Variants in CASR observed in about 807,000 individuals in gnomAD.
The protein encoded by CASR is extracellular calcium-sensing receptor.
CASR carries 23 observed loss-of-function variants against 69.1 expected under a neutral mutation model. The ratio of observed to expected loss-of-function variants is 0.33; its 90% CI spans 0.24 to 0.47. The LOEUF is 0.47. Among genes scored for constraint, CASR ranks in the 20% least tolerant of loss-of-function variants. The pLI is 1.00. For synonymous variants in CASR, 541 were observed against 544.7 expected (o/e 0.99, Z 0.10); for missense variants, 924 against 1,356.1 (o/e 0.68, Z 5.00).
chr3:122,233,972 G>A lies in CASR; in HGVS notation c.-242-19976G>A, dbSNP rs943722136. 2.6e-5 allele frequency among the ~76,000 whole-genome samples: 4 copies of A among 152,184 alleles called. No homozygotes were observed. The South Asian group carries it at 8.3e-4, about 32-fold the overall frequency. On this transcript the variant is annotated intron_variant, in intron 1 of 6. Transcript: ENST00000639785. ...GCCTCCTGAGTCAGATGATAACCAA[G>A]GGAAAGAAGTGACCTCTATCTCTGG...
chr3:122,270,279 G>C (rs13089000), intron 4 of CASR, among the ~76,000 whole-genome samples: 139,743 of 152,276 alleles, frequency 0.92, 64,472 homozygotes, highest in East Asian at 0.98. Flanking sequence ...ACTGGCATAA[G>C]TTTATTTATA....
intron 1 of CASR, among the ~76,000 whole-genome samples, chr3:122,234,488 G>A (rs912896896): frequency 1.3e-5 from 2 of 152,204 alleles, no homozygotes; most frequent in South Asian, 2.1e-4. Context: ...AGATTGAGAG[G>A]TTTAAAATCA....
intron 1 of CASR, among the ~76,000 whole-genome samples, chr3:122,224,312 G>A (rs1456199612): frequency 6.6e-6 from 1 of 152,150 alleles, no homozygotes; most frequent in East Asian, 1.9e-4. Context: ...CTGCAAAAAG[G>A]CTCAGAGAAC....
intron 1 of CASR, among the ~76,000 whole-genome samples, chr3:122,190,445 C>T (rs987420972): frequency 1.3e-5 from 2 of 152,166 alleles, no homozygotes; most frequent in African/African-American, 2.4e-5. Context: ...TTAGACTACC[C>T]GAGCTTGTAT....
At chr3:122,233,408 G>A (rs1448732917) in intron 1 of CASR, among the ~76,000 whole-genome samples, 1 of 152,192 alleles carries the variant, frequency 6.6e-6, no homozygotes, top group Non-Finnish European at 1.5e-5. Context: ...GTCTTTGGCT[G>A]GATGGAGTTG....
chr3:122,284,135 G>A lies in CASR; in HGVS notation c.2181G>A (p.Leu727=). 2 of 1,613,798 alleles carry A rather than the reference G, an allele frequency of 1.2e-6. No homozygotes were observed. Among genetic ancestry groups the A allele is most frequent in the Non-Finnish European group, 1.7e-6 (2 of 1,179,752 alleles). Residue 727 remains leucine (L), a synonymous_variant, in exon 7 of 7, where the codon CTG becomes CTA. Coordinates refer to ENST00000639785, the MANE Select transcript of CASR (RefSeq NM_000388.4). ...GGGGGCTCAACCTGCAGTTCCTGCTGGTTTTCCTCTGCACCTTCATGCAGA... is the reference window on the plus strand; with the variant it reads ...GGGGGCTCAACCTGCAGTTCCTGCTAGTTTTCCTCTGCACCTTCATGCAGA... ...KWWGLNLQFL[L]VFLCTFMQIV...
At chr3:122,186,147 G>A (rs1457619815) in intron 1 of CASR, among the ~76,000 whole-genome samples, 1 of 152,210 alleles carries the variant, frequency 6.6e-6, no homozygotes, top group Non-Finnish European at 1.5e-5. Context: ...GAATTAGCAG[G>A]TTCTTTAGGA....
At position 122,285,498 on chromosome 3, in the gene CASR, A is replaced by G; in HGVS notation, c.*307A>G. The G allele has an allele frequency of 2.7e-6, 1 of 376,356 alleles. No homozygotes were observed. Among genetic ancestry groups the G allele is most frequent in the Non-Finnish European group, 5.0e-6 (1 of 198,430 alleles). The allele number at this position is 376,356 out of a possible 1,614,324, so 23.3% of individuals were successfully genotyped here. A position where few individuals can be genotyped will look rare whatever the true frequency, so the allele number is the denominator to read the frequency against. On this transcript the variant is annotated 3_prime_UTR_variant, in exon 7 of 7. Transcript: ENST00000639785. ...TGTTCTATCCCACCCAACAGCTCAGAGATGAAACTATGGCTTTAAACTACC... is the reference window on the plus strand; with the variant it reads ...TGTTCTATCCCACCCAACAGCTCAGGGATGAAACTATGGCTTTAAACTACC...
In CASR at chr3:122,287,512, C is replaced by T. The variant is rs1479201629; in HGVS notation, c.*2321C>T. 1 of 152,236 alleles carries T rather than the reference C, an allele frequency of 6.6e-6. No individual in the cohort carries two copies. The highest frequency in any genetic ancestry group is 1.9e-4 in the East Asian group (1 of 5,204). 9.4% of individuals were successfully genotyped at this position (152,236 alleles called of 1,614,324 possible). A position where few individuals can be genotyped will look rare whatever the true frequency, so the allele number is the denominator to read the frequency against. ...CATCTTAGTCGAATCGGGGTTTTCACAGTAACCTCAGTGTTTTCTGAGCCA... is the reference window on the plus strand; with the variant it reads ...CATCTTAGTCGAATCGGGGTTTTCATAGTAACCTCAGTGTTTTCTGAGCCA... On this transcript the variant is annotated 3_prime_UTR_variant, in exon 7 of 7. Coordinates refer to ENST00000639785, the MANE Select transcript of CASR (RefSeq NM_000388.4).
At chr3:122,202,401 G>A (rs1025955992) in intron 1 of CASR, among the ~76,000 whole-genome samples, 4 of 151,560 alleles carry the variant, frequency 2.6e-5, no homozygotes, top group African/African-American at 9.7e-5. Flanking sequence ...ATCAGAGGGA[G>A]ACCGTGGAAA....
intron 4 of CASR, among the ~76,000 whole-genome samples, chr3:122,265,173 C>T (rs35387386): frequency 0.021 from 3,165 of 152,302 alleles, 52 homozygotes; most frequent in Middle Eastern, 0.031. Flanking sequence ...TGATCATTCT[C>T]GCTTCCTCAT....
chr3:122,196,951 T>C (rs964395945), intron 1 of CASR, among the ~76,000 whole-genome samples: 4 of 152,216 alleles, frequency 2.6e-5, no homozygotes, highest in Non-Finnish European at 5.9e-5. Context: ...AGTTACCTTT[T>C]TTTTGTATGT....
chr3:122,283,085 G>A (rs1171205334), intron 6 of CASR, among the ~76,000 whole-genome samples: 1 of 152,174 alleles, frequency 6.6e-6, no homozygotes. Context: ...GAAAGCACAG[G>A]TCATGTGCAT....
chr3:122,206,352 G>A (rs1048847608), intron 1 of CASR, among the ~76,000 whole-genome samples: 14 of 151,650 alleles, frequency 9.2e-5, no homozygotes, highest in Non-Finnish European at 1.5e-4. Flanking sequence ...TTTGTTGTTG[G>A]TTCTGTTAAT....
intron 1 of CASR, among the ~76,000 whole-genome samples, chr3:122,196,879 A>G (rs1031432115): frequency 1.3e-5 from 2 of 152,224 alleles, no homozygotes; most frequent in African/African-American, 2.4e-5. Context: ...GATTTGACAT[A>G]TGTAAATATT....
chr3:122,271,395 T>G (rs539210083), intron 4 of CASR, among the ~76,000 whole-genome samples: 48 of 152,256 alleles, frequency 3.2e-4, no homozygotes, highest in African/African-American at 1.2e-3. Context: ...TACATTGCCA[T>G]CTCTTCCCTC....
At chr3:122,238,451 T>C (rs942049482) in intron 1 of CASR, among the ~76,000 whole-genome samples, 2 of 152,216 alleles carry the variant, frequency 1.3e-5, no homozygotes, top group African/African-American at 4.8e-5. Flanking sequence ...GTTAAAGTGC[T>C]CTGGGGTCTT....
intron 4 of CASR, among the ~76,000 whole-genome samples, chr3:122,266,985 C>T (rs991022507): frequency 6.6e-6 from 1 of 152,188 alleles, no homozygotes; most frequent in Non-Finnish European, 1.5e-5. Flanking sequence ...GCCTGGGCAA[C>T]AGAGCGAGAC....
intron 1 of CASR, among the ~76,000 whole-genome samples, chr3:122,211,488 A>G (rs1163633831): frequency 6.6e-6 from 1 of 152,242 alleles, no homozygotes; most frequent in African/African-American, 2.4e-5. Flanking sequence ...CAGGTGGATC[A>G]CTTGAGGCCA....
Sources: allele counts gnomAD v4.1 joint callset (sites outside exome capture counted in the v4.1 genomes callset), GRCh38; gene constraint gnomAD v4.1.1; transcripts MANE v1.5; gene names NCBI Gene and HGNC (gene_info 2026-07-23, HGNC 2026-07-21).